FNDC3B: variants seen among roughly 807,000 people sequenced by gnomAD.
FNDC3B encodes the protein fibronectin type III domain containing 3B.
FNDC3B carries 12 observed loss-of-function variants against 151.5 expected under a neutral mutation model. The ratio of observed to expected loss-of-function variants is 0.08; its 90% CI spans 0.05 to 0.13. The LOEUF (loss-of-function observed/expected upper bound fraction) is 0.13, where lower values mean the gene tolerates loss of function less well. Among genes scored for constraint, FNDC3B ranks in the 10% least tolerant of loss-of-function variants. FNDC3B has a pLI of 1.00. For missense variants in FNDC3B, 1,214 were observed against 1,505.3 expected, an observed-to-expected ratio of 0.81 and a Z score of 3.20; for synonymous variants, 528 against 549.0, an observed-to-expected ratio of 0.96 and a Z score of 0.54.
intron 9 of FNDC3B, among the ~76,000 whole-genome samples, chr3:172,304,644 C>G (rs562425339): frequency 1.3e-5 from 2 of 152,318 alleles, no homozygotes; most frequent in Non-Finnish European, 2.9e-5. Context: ...CGCCTGTAAT[C>G]CCAGCACTTT....
At chr3:172,275,767 C>T (rs746674768) in intron 6 of FNDC3B, among the ~76,000 whole-genome samples, 21 of 152,034 alleles carry the variant, frequency 1.4e-4, no homozygotes, top group Admixed American at 2.0e-4. Flanking sequence ...ATTTAGAAGA[C>T]AGTGCATTTT....
intron 3 of FNDC3B, among the ~76,000 whole-genome samples, chr3:172,146,259 G>A (rs1256571020): frequency 1.3e-5 from 2 of 152,108 alleles, no homozygotes; most frequent in East Asian, 1.9e-4. Flanking sequence ...TGAGTCAAGC[G>A]CTCACCTGTT....
At chr3:172,316,775 A>G (rs913709916) in intron 11 of FNDC3B, among the ~76,000 whole-genome samples, 1 of 152,236 alleles carries the variant, frequency 6.6e-6, no homozygotes, top group African/African-American at 2.4e-5. Context: ...TATGATGTTT[A>G]TCTAAAGAAA....
At chr3:172,156,711 T>TCC (rs1559992818) in intron 3 of FNDC3B, among the ~76,000 whole-genome samples, 18 of 150,986 alleles carry the variant, frequency 1.2e-4, no homozygotes, top group African/African-American at 4.4e-4. Flanking sequence ...TTTTTTTTTT[T>TCC]TCCCCACTGT....
chr3:172,360,091 C>G (rs190548939), intron 22 of FNDC3B, among the ~76,000 whole-genome samples: 1 of 152,056 alleles, frequency 6.6e-6, no homozygotes, highest in Non-Finnish European at 1.5e-5. Flanking sequence ...TGTGGTGATG[C>G]CAGTTTTCAT....
At chr3:172,265,598 T>C (rs989060132) in intron 6 of FNDC3B, among the ~76,000 whole-genome samples, 11 of 152,202 alleles carry the variant, frequency 7.2e-5, no homozygotes, top group African/African-American at 2.7e-4. Flanking sequence ...CCCAGACAAT[T>C]GGTAATTATA....
intron 6 of FNDC3B, among the ~76,000 whole-genome samples, chr3:172,279,792 T>C (rs1338966861): frequency 6.6e-6 from 1 of 152,242 alleles, no homozygotes; most frequent in Non-Finnish European, 1.5e-5. Flanking sequence ...AATTCTTCTT[T>C]TGTATGCGCT....
At chr3:172,090,315 A>C (rs1718751384) in intron 1 of FNDC3B, among the ~76,000 whole-genome samples, 1 of 152,138 alleles carries the variant, frequency 6.6e-6, no homozygotes, top group Non-Finnish European at 1.5e-5. Flanking sequence ...AGCCATCTCT[A>C]ATTATCACTG....
At chr3:172,148,372 G>A (rs1036237881) in intron 3 of FNDC3B, among the ~76,000 whole-genome samples, 6 of 148,544 alleles carry the variant, frequency 4.0e-5, no homozygotes, top group African/African-American at 1.0e-4. Context: ...CAATGTGGAG[G>A]GTAAAAAAAA....
At chr3:172,048,111 T>C (rs1354177278) in intron 1 of FNDC3B, among the ~76,000 whole-genome samples, 1 of 152,152 alleles carries the variant, frequency 6.6e-6, no homozygotes, top group Admixed American at 6.5e-5. Flanking sequence ...TTAAAAGATT[T>C]CTGGATATTT....
intron 1 of FNDC3B, among the ~76,000 whole-genome samples, chr3:172,067,967 A>C (rs1021446650): frequency 1.3e-5 from 2 of 152,196 alleles, no homozygotes; most frequent in Non-Finnish European, 2.9e-5. Flanking sequence ...TCTGGGCTGT[A>C]CATGGCCTCC....
chr3:172,181,908 G>A (rs988962436), intron 3 of FNDC3B, among the ~76,000 whole-genome samples: 4 of 149,858 alleles, frequency 2.7e-5, no homozygotes, highest in African/African-American at 7.4e-5. Flanking sequence ...TCATTATGTA[G>A]TCTCAGTGTT....
Position 172,352,898 on chromosome 3 carries a change from GGAGGAGGAGCCCCTT to G in FNDC3B, c.2613_2627del (p.Glu871_Leu875del). On this transcript the variant is annotated inframe_deletion, in exon 22 of 26. Coordinates refer to ENST00000415807, the MANE Select transcript of FNDC3B (RefSeq NM_022763.4). This position sits in a 1 kb window ranked among gnomAD's most constrained non-coding sequence, Gnocchi z 4.2. The stretch of plus-strand genomic sequence containing the variant: ...ACCCCGTCTCCACTCTCTGTGTCCT[GGAGGAGGAGCCCCTT>G]GATGCCTACCCTGATTCACCTTCTG... 1 of 1,614,154 alleles carries G rather than the reference GGAGGAGGAGCCCCTT, an allele frequency of 6.2e-7. No individual in the cohort carries two copies. The highest frequency in any genetic ancestry group is 8.5e-7 in the Non-Finnish European group (1 of 1,180,026).
At position 172,251,507 on chromosome 3, in the gene FNDC3B, A is replaced by T. The variant is rs1728077010; in HGVS notation, c.756A>T (p.Arg252Ser). 1 of 1,613,908 alleles carries T rather than the reference A, an allele frequency of 6.2e-7. No homozygotes were observed. Among genetic ancestry groups the T allele is most frequent in the Non-Finnish European group, 8.5e-7 (1 of 1,179,920 alleles). ...TTAAGAAAACAGAGCGACGAGCAAG[A>T]AGCAGCCCAAAGTCGAATGATTCAG... is the stretch of plus-strand genomic sequence containing the variant. ...PGIKKTERRA[R>S]SSPKSNDSDL... The change falls in exon 6 of 26, where the codon AGA becomes AGT. Residue 252 changes from arginine to serine, a missense_variant. Coordinates refer to ENST00000415807, the MANE Select transcript of FNDC3B (RefSeq NM_022763.4).
intron 23 of FNDC3B, among the ~76,000 whole-genome samples, chr3:172,373,118 G>A (rs531580633): frequency 3.3e-5 from 5 of 152,236 alleles, no homozygotes; most frequent in African/African-American, 7.2e-5. Flanking sequence ...GTGACTCCTC[G>A]TGGAGTGCAT....
rs756130913 is a variant in FNDC3B, at chr3:172,341,106, T to G, written c.1853-7T>G. On this transcript the variant is annotated splice_polypyrimidine_tract_variant and splice_region_variant and intron_variant, in intron 16 of 25. Transcript: ENST00000415807. Reference sequence around the variant, plus strand: ...GCATAAAGTCATGCATAAGTCTTGTTTTACAGCGAATCAGTGGGAAGTGGC... The same window carrying G: ...GCATAAAGTCATGCATAAGTCTTGTGTTACAGCGAATCAGTGGGAAGTGGC... 250 of 1,601,140 alleles carry G rather than the reference T, an allele frequency of 1.6e-4. No homozygotes were observed. Among genetic ancestry groups the G allele is most frequent in the Non-Finnish European group, 2.0e-4 (230 of 1,168,178 alleles).
intron 3 of FNDC3B, among the ~76,000 whole-genome samples, chr3:172,198,533 A>C (rs947756555): frequency 6.6e-6 from 1 of 152,148 alleles, no homozygotes; most frequent in Non-Finnish European, 1.5e-5. Flanking sequence ...TACCATTTCT[A>C]TGACAGAAAT....
chr3:172,296,453 C>G (rs561712701), intron 8 of FNDC3B, among the ~76,000 whole-genome samples: 1 of 152,184 alleles, frequency 6.6e-6, no homozygotes, highest in African/African-American at 2.4e-5. Context: ...CCTCTTGCTA[C>G]CCAGGCTACC....
At position 172,343,084 on chromosome 3, in the gene FNDC3B, G is replaced by C; in HGVS notation, c.2045G>C (p.Arg682Thr). Residue 682 changes from arginine (R) to threonine (T), a missense_variant, in exon 18 of 26, where the codon AGA becomes ACA. Physicochemically the swap from Arg to Thr is moderately conservative, Grantham distance 71. Transcript: ENST00000415807. ...GQCRPPRVLG[R>T]PKHKEVHLEW... ...TGTCGACCACCGAGGGTTTTGGGTA[G>C]ACCAAAGCACAAAGAAGTCCACTTA... is the stretch of plus-strand genomic sequence containing the variant. The C allele has an allele frequency of 6.2e-7, 1 of 1,611,280 alleles. No individual in the cohort carries two copies. The highest frequency in any genetic ancestry group is 8.5e-7 in the Non-Finnish European group (1 of 1,177,746).
Sources: allele counts gnomAD v4.1 joint callset (sites outside exome capture counted in the v4.1 genomes callset), GRCh38; gene constraint gnomAD v4.1.1; non-coding constraint Gnocchi (gnomAD v3.1); transcripts MANE v1.5; gene names NCBI Gene and HGNC (gene_info 2026-07-23, HGNC 2026-07-21).